Variants in CNBD1 observed in about 807,000 individuals in gnomAD.
CNBD1 encodes cyclic nucleotide-binding domain-containing protein 1.
A neutral mutation model predicts 54.4 loss-of-function variants in CNBD1; 71 were observed. That is an observed-to-expected ratio of 1.30 (90% CI 1.08 to 1.59). The LOEUF is 1.59. Among genes scored for constraint, CNBD1 ranks in the 40% most tolerant of loss-of-function variants. The pLI is 0.00. For missense variants in CNBD1, 659 were observed against 518.0 expected (o/e 1.27, Z -2.64); for synonymous variants, 182 against 170.7 (o/e 1.07, Z -0.51).
chr8:87,403,918 A>G (rs1807608778), intron 2 of CNBD1, among the ~76,000 whole-genome samples: 1 of 152,014 alleles, frequency 6.6e-6, no homozygotes, highest in South Asian at 2.1e-4. Flanking sequence ...CCATGATGTG[A>G]TTTGCTTACA....
rs1309324431 is a variant in CNBD1 at position 87,342,398 on chromosome 8, CT to C, written c.1043-9284del. On this transcript the variant is annotated intron_variant, in intron 8 of 10. Coordinates refer to ENST00000518476, the MANE Select transcript of CNBD1 (RefSeq NM_173538.3). ...TGTTTGAAACCAATTTATTTGTATT[CT>C]TTAATTAGAGTATATTTCTCTCAGT... Among the ~76,000 whole-genome samples, 4 of 151,906 alleles carry C rather than the reference CT, an allele frequency of 2.6e-5. 1 individual carries two copies. Among genetic ancestry groups the C allele is most frequent in the Admixed American group, 6.6e-5 (1 of 15,252 alleles).
At chr8:87,027,333 G>A (rs547382511) in intron 4 of CNBD1, among the ~76,000 whole-genome samples, 64 of 152,114 alleles carry the variant, frequency 4.2e-4, no homozygotes, top group African/African-American at 1.3e-3. Context: ...GTGCAGTGGC[G>A]TGATCTCGGC....
intron 6 of CNBD1, among the ~76,000 whole-genome samples, chr8:87,263,291 A>C (rs923095772): frequency 2.0e-5 from 3 of 152,202 alleles, no homozygotes; most frequent in Non-Finnish European, 4.4e-5. Context: ...TAATACTAGC[A>C]GTTGAAACTT....
intron 5 of CNBD1, among the ~76,000 whole-genome samples, chr8:87,208,800 A>G (rs1814031817): frequency 6.6e-6 from 1 of 151,588 alleles, no homozygotes; most frequent in Non-Finnish European, 1.5e-5. Context: ...CTTTCACTTT[A>G]TTTCATTCTG....
intron 4 of CNBD1, among the ~76,000 whole-genome samples, chr8:86,997,233 C>T (rs1222430373): frequency 6.6e-6 from 1 of 152,056 alleles, no homozygotes; most frequent in Non-Finnish European, 1.5e-5. Context: ...GATTGCAGTG[C>T]CATATTTAGA....
At chr8:87,292,472 A>G (rs527671883) in intron 8 of CNBD1, among the ~76,000 whole-genome samples, 29 of 152,312 alleles carry the variant, frequency 1.9e-4, no homozygotes, top group Admixed American at 8.5e-4. Context: ...GCTTTCTACT[A>G]CATGGGGTGT....
At chr8:87,367,682 C>A (rs1304888188) in intron 10 of CNBD1, among the ~76,000 whole-genome samples, 1 of 152,064 alleles carries the variant, frequency 6.6e-6, no homozygotes, top group East Asian at 1.9e-4. Context: ...TTCACAACAA[C>A]CCATTGAGAA....
At chr8:86,940,202 C>A (rs1809629401) in intron 4 of CNBD1, among the ~76,000 whole-genome samples, 1 of 135,664 alleles carries the variant, frequency 7.4e-6, no homozygotes. Flanking sequence ...ACAGTTTCGG[C>A]TCACTGCAAC....
intron 6 of CNBD1, among the ~76,000 whole-genome samples, chr8:87,272,953 C>G (rs1437930836): frequency 1.3e-5 from 2 of 151,742 alleles, no homozygotes; most frequent in Non-Finnish European, 2.9e-5. Context: ...TGTTAATATG[C>G]TTATAGTTAT....
chr8:86,915,427 C>T (rs747957009), intron 3 of CNBD1, among the ~76,000 whole-genome samples: 4 of 152,158 alleles, frequency 2.6e-5, no homozygotes, highest in African/African-American at 4.8e-5. Context: ...CTCCTCTATC[C>T]TCCTAGGTTT....
intron 2 of CNBD1, among the ~76,000 whole-genome samples, chr8:86,899,603 A>G (rs1041925846): frequency 6.6e-6 from 1 of 152,102 alleles, no homozygotes; most frequent in Admixed American, 6.6e-5. Flanking sequence ...GATTTTATAT[A>G]TAACTTTTAT....
chr8:87,426,169 G>A (rs1192296029), intron 2 of CNBD1, among the ~76,000 whole-genome samples: 1 of 152,200 alleles, frequency 6.6e-6, no homozygotes. Context: ...GCCTCGCCCT[G>A]CTTCAGCTGG....
At chr8:87,354,859 A>G (rs1255669309) in intron 10 of CNBD1, among the ~76,000 whole-genome samples, 3 of 151,688 alleles carry the variant, frequency 2.0e-5, no homozygotes, top group East Asian at 1.9e-4. Flanking sequence ...TAGTGCCGCA[A>G]TAACATACGT....
At chr8:87,391,251 A>C (rs1811303646) in intron 2 of CNBD1, among the ~76,000 whole-genome samples, 1 of 152,046 alleles carries the variant, frequency 6.6e-6, no homozygotes, top group African/African-American at 2.4e-5. Context: ...TAAAAAAAAG[A>C]AATTTCAAAT....
chr8:87,268,975 AC>A (rs1808313704), intron 6 of CNBD1, among the ~76,000 whole-genome samples: 3 of 151,886 alleles, frequency 2.0e-5, no homozygotes, highest in African/African-American at 7.2e-5. Flanking sequence ...ACCTTTGGGG[AC>A]TTAGTTATAA....
chr8:87,139,985 T>C (rs984571667), intron 4 of CNBD1, among the ~76,000 whole-genome samples: 1 of 152,150 alleles, frequency 6.6e-6, no homozygotes, highest in Non-Finnish European at 1.5e-5. Context: ...AGTTCTGACT[T>C]CTTAGTGTGA....
At chr8:87,266,133 T>G (rs939966828) in intron 6 of CNBD1, among the ~76,000 whole-genome samples, 2 of 151,858 alleles carry the variant, frequency 1.3e-5, no homozygotes, top group Non-Finnish European at 2.9e-5. Context: ...ACATTCAATA[T>G]CTTAAAGATA....
intron 4 of CNBD1, among the ~76,000 whole-genome samples, chr8:86,970,782 T>C (rs931075553): frequency 1.3e-5 from 2 of 152,200 alleles, no homozygotes; most frequent in African/African-American, 4.8e-5. Flanking sequence ...GCAAAGGACA[T>C]GGTTTCATTC....
chr8:87,349,996 G>C (rs1810251543), intron 8 of CNBD1, among the ~76,000 whole-genome samples: 1 of 152,154 alleles, frequency 6.6e-6, no homozygotes, highest in South Asian at 2.1e-4. Context: ...AGGTCTCATA[G>C]TTAAAAATAA....
Sources: gnomAD v4.1 joint callset for allele counts (sites outside exome capture counted in the v4.1 genomes callset) on GRCh38, gnomAD v4.1.1 for gene constraint, MANE v1.5 for transcripts, NCBI Gene and HGNC (gene_info 2026-07-23, HGNC 2026-07-21) for gene names.